The following BRWD3 variants were observed in gnomAD, a reference collection of about 807,000 sequenced individuals.
BRWD3 encodes bromodomain and WD repeat-containing protein 3.
Under a neutral mutation model 149.7 loss-of-function variants are expected in BRWD3, and 10 were observed. That is an observed-to-expected ratio of 0.07 (90% CI 0.04 to 0.11). BRWD3 has a LOEUF of 0.11. BRWD3 is among the 10% of genes least tolerant of loss of function. BRWD3 has a pLI of 1.00. For missense variants in BRWD3, 940 were observed against 1,373.2 expected (o/e 0.68, Z 4.99); for synonymous variants, 504 against 456.7 (o/e 1.10, Z -1.32).
intron 40 of BRWD3, among the ~76,000 whole-genome samples, chrX:80,681,101 C>T (rs765381371): frequency 1.9e-5 from 2 of 107,703 alleles, no homozygotes; most frequent in Non-Finnish European, 3.8e-5. Flanking sequence ...TGAGCCACCA[C>T]GCCTGGCCCC....
At chrX:80,789,044 A>T (rs2074146958) in intron 6 of BRWD3, among the ~76,000 whole-genome samples, 1 of 112,221 alleles carries the variant, frequency 8.9e-6, no homozygotes, top group Admixed American at 9.5e-5. Context: ...ACACTTAAAA[A>T]GACAGCCTTT....
rs1307086740 is a variant in BRWD3, at chrX:80,670,702, G to A, written c.*5907C>T. Among the ~76,000 whole-genome samples, 2 of 111,341 alleles carry A rather than the reference G, an allele frequency of 1.8e-5. No individual in the cohort carries two copies. Among genetic ancestry groups the A allele is most frequent in the African/African-American group, 6.5e-5 (2 of 30,604 alleles). On this transcript the variant is annotated 3_prime_UTR_variant, in exon 41 of 41. Coordinates refer to ENST00000373275, the MANE Select transcript of BRWD3 (RefSeq NM_153252.5). ...CCCAAAATGCTGAGATTATAAACGTGAGTCACTGTGCCTGGCCTTAACCAA... is the reference window on the plus strand; with the variant it reads ...CCCAAAATGCTGAGATTATAAACGTAAGTCACTGTGCCTGGCCTTAACCAA...
At chrX:80,742,412 A>AT (rs2073527005) in intron 8 of BRWD3, among the ~76,000 whole-genome samples, 10 of 95,879 alleles carry the variant, frequency 1.0e-4, no homozygotes, top group East Asian at 3.4e-4. Flanking sequence ...TTGGTTCTGT[A>AT]GTTTTTTCCA....
intron 24 of BRWD3, among the ~76,000 whole-genome samples, chrX:80,701,497 C>T (rs1319988979): frequency 2.2e-5 from 2 of 91,571 alleles, no homozygotes; most frequent in Non-Finnish European, 4.1e-5. Context: ...TGCAGTGAGC[C>T]GAGATAGCCC....
At chrX:80,769,162 T>C (rs1392187180) in intron 6 of BRWD3, among the ~76,000 whole-genome samples, 1 of 111,144 alleles carries the variant, frequency 9.0e-6, no homozygotes, top group African/African-American at 3.3e-5. Flanking sequence ...AACACCCCAC[T>C]GTCAACATTA....
At chrX:80,762,427 C>G (rs1312032807) in intron 6 of BRWD3, among the ~76,000 whole-genome samples, 1 of 111,335 alleles carries the variant, frequency 9.0e-6, no homozygotes, top group Non-Finnish European at 1.9e-5. Flanking sequence ...CTGAGTGCTT[C>G]ATGTTTAAAT....
At chrX:80,708,512 A>G (rs1213427579) in intron 21 of BRWD3, among the ~76,000 whole-genome samples, 3 of 108,400 alleles carry the variant, frequency 2.8e-5, no homozygotes, top group Non-Finnish European at 3.8e-5. Context: ...ATCTTTGATA[A>G]TAGTTTAAGA....
intron 20 of BRWD3, among the ~76,000 whole-genome samples, chrX:80,713,148 T>G (rs1406602400): frequency 1.3e-4 from 14 of 108,957 alleles, no homozygotes; most frequent in Admixed American, 4.8e-4. Flanking sequence ...TACTGGGAAG[T>G]GAGGAGCCCC....
chrX:80,765,480 T>C (rs891796189), intron 6 of BRWD3, among the ~76,000 whole-genome samples: 19 of 111,865 alleles, frequency 1.7e-4, no homozygotes, highest in Non-Finnish European at 3.4e-4. Flanking sequence ...AATGAAGGTT[T>C]GGGTCACTTT....
At chrX:80,682,404 A>G (rs2072463413) in intron 38 of BRWD3, 61 bp downstream of exon 38, 1 of 1,140,985 alleles carries the variant, frequency 8.8e-7, no homozygotes, top group Non-Finnish European at 1.2e-6. Context: ...AACTTTCACA[A>G]ATTAGGTAAT....
In BRWD3 at chrX:80,696,779, G is replaced by T; in HGVS notation, c.3028C>A (p.Pro1010Thr). The change falls in exon 26 of 41, where the codon CCA becomes ACA. Residue 1010 changes from proline to threonine, a missense_variant. Coordinates refer to ENST00000373275, the MANE Select transcript of BRWD3 (RefSeq NM_153252.5). ...TCTCCAGTCATTTTGCCTGAAATTG[G>T]GTCCAGAAATGCAAGCTTCAAGCAG... ...LCCLKLAFLD[P>T]ISGKMTGESF... The T allele has an allele frequency of 1.7e-6, 2 of 1,210,191 alleles. No individual in the cohort carries two copies. The highest frequency in any genetic ancestry group is 2.2e-6 in the Non-Finnish European group (2 of 894,550).
intron 6 of BRWD3, among the ~76,000 whole-genome samples, chrX:80,756,988 AGT>A (rs2073748377): frequency 9.0e-6 from 1 of 111,582 alleles, no homozygotes; most frequent in Admixed American, 9.5e-5. Flanking sequence ...TTCCCCTGTA[AGT>A]AGAATGAAGT....
intron 6 of BRWD3, among the ~76,000 whole-genome samples, chrX:80,767,723 A>C (rs1004737974): frequency 8.9e-6 from 1 of 112,342 alleles, no homozygotes; most frequent in Non-Finnish European, 1.9e-5. Context: ...TGGATGAAGA[A>C]TGACTTTGAC....
Position 80,676,328 on chromosome X carries a change from G to A in BRWD3, c.*281C>T, listed in dbSNP as rs1047644464. 8 of 305,236 alleles carry A rather than the reference G, an allele frequency of 2.6e-5. No homozygotes were observed. The highest frequency in any genetic ancestry group is 2.5e-4 in the African/African-American group (8 of 32,585). The allele number at this position is 305,236 out of a possible 1,213,427, so 25.2% of individuals were successfully genotyped here. On this transcript the variant is annotated 3_prime_UTR_variant, in exon 41 of 41. Transcript: ENST00000373275. ...AGTAAATCTGTAGTGTCTGTGTTGT[G>A]TTTCGTGTGTGTGTGTCTGTGTGTG...
rs1198256183 is a variant in BRWD3, at chrX:80,707,816, A to AT, written c.2476-314dup. Among the ~76,000 whole-genome samples, 6 of 111,899 alleles carry AT rather than the reference A, an allele frequency of 5.4e-5. No individual in the cohort carries two copies. In the South Asian group the frequency reaches 1.5e-3, roughly 28 times the overall value. ...TAGAAACATTGTTTTCAAAATGCCT[A>AT]TATGTCTCTGTCGAGTTAATATAAT... is the stretch of plus-strand genomic sequence containing the variant. On this transcript the variant is annotated intron_variant, in intron 21 of 40. Coordinates refer to ENST00000373275, the MANE Select transcript of BRWD3 (RefSeq NM_153252.5).
At chrX:80,786,762 G>T (rs2074112471) in intron 6 of BRWD3, among the ~76,000 whole-genome samples, 1 of 111,510 alleles carries the variant, frequency 9.0e-6, no homozygotes, top group African/African-American at 3.3e-5. Context: ...TGCCCGTCTC[G>T]GCCTCCCAAA....
chrX:80,754,561 A>C (rs914801955), intron 6 of BRWD3, among the ~76,000 whole-genome samples: 4 of 112,185 alleles, frequency 3.6e-5, no homozygotes, highest in Non-Finnish European at 7.5e-5. Context: ...GAGTGAAAGC[A>C]GGCACTCTCT....
intron 35 of BRWD3, 51 bp from the exon 36 acceptor site, chrX:80,685,587 T>C (rs2072510117): frequency 2.1e-6 from 2 of 937,223 alleles, no homozygotes; most frequent in African/African-American, 3.9e-5. Flanking sequence ...TAACAAAATA[T>C]CAAGACGTGT....
In BRWD3 at chrX:80,738,630, T is replaced by TG. The variant is rs1357097875; in HGVS notation, c.814-2543dup. 3.4e-3 allele frequency among the ~76,000 whole-genome samples: 234 copies of TG among 69,341 alleles called. 2 individuals are homozygous for TG. The highest frequency in any genetic ancestry group is 9.9e-3 in the African/African-American group (174 of 17,588). 60.2% of individuals were successfully genotyped at this position (69,341 alleles called of 115,157 possible). On this transcript the variant is annotated intron_variant, in intron 8 of 40. Transcript: ENST00000373275. ...GTTGCTGTGCACACAGTGGAGGGGG[T>TG]GGGGGGGGCAGTGGTTTACAATTTT...
Sources: gnomAD v4.1 joint callset for allele counts (sites outside exome capture counted in the v4.1 genomes callset) on GRCh38, gnomAD v4.1.1 for gene constraint, MANE v1.5 for transcripts, NCBI Gene and HGNC (gene_info 2026-07-23, HGNC 2026-07-21) for gene names.